FAM135B: variants seen among roughly 807,000 people sequenced by gnomAD.
FAM135B encodes the protein family with sequence similarity 135 member B, also known as protein FAM135B.
In FAM135B, 43 loss-of-function variants were observed where a neutral mutation model predicts 127.7. That is an observed-to-expected ratio of 0.34 (90% CI 0.26 to 0.43). The LOEUF (loss-of-function observed/expected upper bound fraction) is 0.43. FAM135B is among the 20% of genes least tolerant of loss of function. The probability of loss-of-function intolerance (pLI) is 1.00; values close to 1 mark genes in which losing one functional copy is unlikely to be tolerated. For synonymous variants in FAM135B, 670 were observed against 665.1 expected (o/e 1.01, Z -0.11); for missense variants, 1,558 against 1,725.6 (o/e 0.90, Z 1.72).
At chr8:138,375,178 G>A (rs754042999) in intron 1 of FAM135B, among the ~76,000 whole-genome samples, 3 of 152,184 alleles carry the variant, frequency 2.0e-5, no homozygotes, top group Admixed American at 6.5e-5. Flanking sequence ...CCAGGGACTA[G>A]CAGAATGCAT....
intron 1 of FAM135B, among the ~76,000 whole-genome samples, chr8:138,446,213 A>G (rs1836150241): frequency 6.6e-6 from 1 of 152,218 alleles, no homozygotes; most frequent in Admixed American, 6.5e-5. Flanking sequence ...CAATATCGTG[A>G]AAATGGCCAT....
intron 2 of FAM135B, among the ~76,000 whole-genome samples, chr8:138,325,755 A>G (rs538794406): frequency 6.6e-6 from 1 of 152,288 alleles, no homozygotes. Flanking sequence ...AAAGCAAGTG[A>G]ACAGCATTGG....
rs1238636697 is a variant in FAM135B at position 138,367,800 on chromosome 8, C to A, written c.77+107G>T. 3 of 843,140 alleles carry A rather than the reference C, an allele frequency of 3.6e-6. No individual in the cohort carries two copies. In the African/African-American group the frequency reaches 5.1e-5, roughly 14 times the overall value. 52.2% of individuals were successfully genotyped at this position (843,140 alleles called of 1,614,324 possible). On this transcript the variant is annotated intron_variant, in intron 2 of 19. Transcript: ENST00000395297. ...CAATGAAAATCTTTTCTTCGTTAGT[C>A]CCAAATTTCCTATAATCTGACTTCC...
intron 3 of FAM135B, among the ~76,000 whole-genome samples, chr8:138,306,049 T>A (rs541642983): frequency 6.6e-6 from 1 of 152,158 alleles, no homozygotes; most frequent in African/African-American, 2.4e-5. Context: ...AAAATCCCCA[T>A]CACACTTTTA....
At chr8:138,183,078 G>T (rs562180576) in intron 9 of FAM135B, among the ~76,000 whole-genome samples, 2 of 149,548 alleles carry the variant, frequency 1.3e-5, no homozygotes, top group Admixed American at 6.7e-5. Context: ...TCTCAGTTCA[G>T]TGCCATCCAC....
At chr8:138,347,824 G>T (rs1031943414) in intron 2 of FAM135B, among the ~76,000 whole-genome samples, 3 of 152,026 alleles carry the variant, frequency 2.0e-5, no homozygotes. Flanking sequence ...GACCAGCAGG[G>T]TTACCTCGAG....
intron 2 of FAM135B, among the ~76,000 whole-genome samples, chr8:138,354,311 A>AAAAAC (rs1017501792): frequency 3.4e-4 from 52 of 152,206 alleles, no homozygotes; most frequent in African/African-American, 1.1e-3. Context: ...CTACTCTATC[A>AAAAAC]AAAACAAAAC....
intron 1 of FAM135B, among the ~76,000 whole-genome samples, chr8:138,466,381 C>A (rs1837381663): frequency 6.6e-6 from 1 of 152,108 alleles, no homozygotes; most frequent in Admixed American, 6.6e-5. Context: ...CAAAGCAAAC[C>A]TGAAGATGAA....
At chr8:138,244,036 TCCAAGA>T (rs1200512272) in intron 6 of FAM135B, among the ~76,000 whole-genome samples, 1 of 152,188 alleles carries the variant, frequency 6.6e-6, no homozygotes, top group Non-Finnish European at 1.5e-5. Flanking sequence ...AAGGGCTTAA[TCCAAGA>T]GATCCAGGTT....
intron 2 of FAM135B, among the ~76,000 whole-genome samples, chr8:138,341,448 T>C (rs967791471): frequency 6.6e-6 from 1 of 152,198 alleles, no homozygotes; most frequent in Non-Finnish European, 1.5e-5. Flanking sequence ...AGTTAGTGTT[T>C]AGTGGGTTCA....
At chr8:138,387,496 A>G (rs537086391) in intron 1 of FAM135B, among the ~76,000 whole-genome samples, 1 of 152,280 alleles carries the variant, frequency 6.6e-6, no homozygotes, top group East Asian at 1.9e-4. Context: ...TCTCCAGACC[A>G]GCAGAAAGAA....
intron 1 of FAM135B, among the ~76,000 whole-genome samples, chr8:138,419,385 T>C (rs1272398549): frequency 6.6e-6 from 1 of 152,018 alleles, no homozygotes; most frequent in African/African-American, 2.4e-5. Context: ...ACAAAGACAA[T>C]TAAATAGCCA....
At chr8:138,311,020 G>A in intron 2 of FAM135B, 100 bp from the exon 3 acceptor site, 1 of 891,050 alleles carries the variant, frequency 1.1e-6, no homozygotes, top group Non-Finnish European at 1.7e-6. Context: ...GGAAATCAGG[G>A]AAGTTTCTTG....
intron 7 of FAM135B, among the ~76,000 whole-genome samples, chr8:138,234,282 G>A (rs1586840923): frequency 6.6e-6 from 1 of 152,150 alleles, no homozygotes; most frequent in Non-Finnish European, 1.5e-5. Flanking sequence ...GTAGAATAGT[G>A]CAGCCACTAT....
intron 2 of FAM135B, among the ~76,000 whole-genome samples, chr8:138,344,588 T>TTTTTC: frequency 6.7e-6 from 1 of 148,970 alleles, no homozygotes; most frequent in Non-Finnish European, 1.5e-5. Context: ...TTTTTTTTTT[T>TTTTTC]TTTTTGTTAA....
intron 2 of FAM135B, among the ~76,000 whole-genome samples, chr8:138,364,375 C>T (rs1830615439): frequency 6.6e-6 from 1 of 152,094 alleles, no homozygotes; most frequent in African/African-American, 2.4e-5. Flanking sequence ...GCTGATGAGA[C>T]CGTAGAGATG....
intron 1 of FAM135B, among the ~76,000 whole-genome samples, chr8:138,381,770 T>C (rs1289763420): frequency 6.6e-6 from 1 of 152,210 alleles, no homozygotes; most frequent in African/African-American, 2.4e-5. Context: ...TTTGAATGCA[T>C]CTTTGAGCTC....
At chr8:138,388,357 T>C (rs754630183) in intron 1 of FAM135B, among the ~76,000 whole-genome samples, 4 of 152,196 alleles carry the variant, frequency 2.6e-5, no homozygotes, top group Non-Finnish European at 5.9e-5. Flanking sequence ...AAATGAAATA[T>C]ACTCTTACTA....
intron 2 of FAM135B, among the ~76,000 whole-genome samples, chr8:138,344,976 T>C (rs569660710): frequency 1.4e-4 from 22 of 152,214 alleles, no homozygotes; most frequent in Non-Finnish European, 2.8e-4. Flanking sequence ...ATGCTTGTTC[T>C]CCCACGGGAC....
Sources: gnomAD v4.1 joint callset for allele counts (sites outside exome capture counted in the v4.1 genomes callset) on GRCh38, gnomAD v4.1.1 for gene constraint, MANE v1.5 for transcripts, NCBI Gene and HGNC (gene_info 2026-07-23, HGNC 2026-07-21) for gene names.